LRP5: variants seen among roughly 807,000 people sequenced by gnomAD.
LRP5 encodes the protein LDL receptor related protein 5.
In LRP5, 62 loss-of-function variants were observed where a neutral mutation model predicts 154.1. That is an observed-to-expected ratio of 0.40 (90% CI 0.33 to 0.50). LRP5 has a LOEUF of 0.50. Among genes scored for constraint, LRP5 ranks in the 20% least tolerant of loss-of-function variants. The probability of loss-of-function intolerance (pLI) is 0.55; values close to 1 mark genes in which losing one functional copy is unlikely to be tolerated. For synonymous variants in LRP5, 966 were observed against 1,011.5 expected (o/e 0.96, Z 0.85); for missense variants, 1,915 against 2,336.7 (o/e 0.82, Z 3.72).
At chr11:68,299,959 G>A in the LRP5 span, among the ~76,000 whole-genome samples, 12 of 148,510 alleles carry the variant, frequency 8.1e-5, no homozygotes, top group Middle Eastern at 0.017. Context: ...GTGGAGTGGC[G>A]CGATCTTGGC....
chr11:68,446,070 G>A (rs2098681262), intron 21 of LRP5, among the ~76,000 whole-genome samples: 1 of 152,222 alleles, frequency 6.6e-6, no homozygotes, highest in South Asian at 2.1e-4. Context: ...AACTGGTGTG[G>A]AGGACACTCA....
intron 2 of LRP5, among the ~76,000 whole-genome samples, chr11:68,348,712 G>C (rs2098615811): frequency 6.6e-6 from 1 of 152,240 alleles, no homozygotes; most frequent in Non-Finnish European, 1.5e-5. Flanking sequence ...GGGAGGCCAA[G>C]GCGGGCAGAT....
rs538521652 is a variant in LRP5, at chr11:68,435,428, C to A, written c.4001-1461C>A. ...AGTGAGGTCTCAGGAAGCTTTGACT[C>A]ATGGTGAAAGTCGAAGCGGGAGCAG... On this transcript the variant is annotated intron_variant, in intron 18 of 22. Transcript: ENST00000294304. Among the ~76,000 whole-genome samples, 9 of 152,236 alleles carry A rather than the reference C, an allele frequency of 5.9e-5. No homozygotes were observed. In the South Asian group the frequency reaches 1.4e-3, roughly 25 times the overall value.
At position 68,312,705 on chromosome 11, in the gene LRP5, G is replaced by A; in HGVS notation, c.-10G>A. On this transcript the variant is annotated 5_prime_UTR_variant, in exon 1 of 23. Transcript: ENST00000294304. ...GAGCGCGGCGCGGGCCCGTCCGGCC[G>A]CCGGACAACATGGAGGCAGCGCCGC... 9.9e-7 allele frequency: 1 copy of A among 1,014,118 alleles called. No homozygotes were observed. The highest frequency in any genetic ancestry group is 1.2e-6 in the Non-Finnish European group (1 of 850,512). 62.8% of individuals were successfully genotyped at this position (1,014,118 alleles called of 1,614,324 possible).
Position 68,425,110 on chromosome 11 carries a change from A to G in LRP5, c.3245A>G (p.Tyr1082Cys), listed in dbSNP as rs113804402. 9.1e-5 allele frequency: 147 copies of G among 1,613,522 alleles called. No homozygotes were observed. The highest frequency in any genetic ancestry group is 1.2e-4 in the Non-Finnish European group (142 of 1,179,942). ...CCGCCACCCTCCCGCAGGTACCTGTACTTCACCAACATGCAGGACCGGGCA... is the reference window on the plus strand; with the variant it reads ...CCGCCACCCTCCCGCAGGTACCTGTGCTTCACCAACATGCAGGACCGGGCA... ...IVVNAERGYL[Y>C]FTNMQDRAAK... Residue 1082 changes from tyrosine to cysteine, a missense_variant, in exon 15 of 23, where the codon TAC becomes TGC. Around this residue, in one of 3 missense-constraint regions of LRP5, gnomAD observed 1,094 missense variants for 1,210.1 expected, o/e 0.90. Coordinates refer to ENST00000294304, the MANE Select transcript of LRP5 (RefSeq NM_002335.4).
chr11:68,368,320 G>A (rs1209617027), intron 5 of LRP5, among the ~76,000 whole-genome samples: 1 of 152,208 alleles, frequency 6.6e-6, no homozygotes, highest in African/African-American at 2.4e-5. Flanking sequence ...CTCCTGTACT[G>A]GGGGTGTGGC....
intron 1 of LRP5, among the ~76,000 whole-genome samples, chr11:68,314,792 G>A (rs1348488143): frequency 1.3e-5 from 2 of 152,268 alleles, no homozygotes; most frequent in Non-Finnish European, 2.9e-5. Flanking sequence ...GCTGAGTGGG[G>A]TTAACCAAGT....
the LRP5 span, among the ~76,000 whole-genome samples, chr11:68,303,628 G>A: frequency 1.3e-5 from 2 of 152,124 alleles, no homozygotes; most frequent in Admixed American, 6.6e-5. Flanking sequence ...CCAGTAGCTG[G>A]GACTACAGGT....
rs546769222 is a variant in LRP5 at position 68,417,876 on chromosome 11, G to A, written c.3027+1349G>A. 8.4e-4 allele frequency among the ~76,000 whole-genome samples: 128 copies of A among 151,698 alleles called. 1 individual carries two copies. Among genetic ancestry groups the A allele is most frequent in the African/African-American group, 2.9e-3 (118 of 41,356 alleles). ...CTTGAACCCAGGAGGCAGAGGTTGC[G>A]GTGAGCCGAGATCACACCATTGCAC... On this transcript the variant is annotated intron_variant, in intron 13 of 22. Coordinates refer to ENST00000294304, the MANE Select transcript of LRP5 (RefSeq NM_002335.4).
intron 7 of LRP5, among the ~76,000 whole-genome samples, chr11:68,396,946 C>T (rs1264294975): frequency 6.6e-6 from 1 of 152,206 alleles, no homozygotes; most frequent in Admixed American, 6.5e-5. Flanking sequence ...TCCCCACTTC[C>T]CTTCTGCTTC....
At position 68,411,361 on chromosome 11, in the gene LRP5, G is replaced by A. The variant is rs1000473643; in HGVS notation, c.2319-75G>A. The A allele has an allele frequency of 1.5e-5, 22 of 1,505,456 alleles. No individual in the cohort carries two copies. In the African/African-American group the frequency reaches 2.3e-4, roughly 16 times the overall value. The allele number at this position is 1,505,456 out of a possible 1,614,324, so 93.3% of individuals were successfully genotyped here. A position where few individuals can be genotyped will look rare whatever the true frequency, so the allele number is the denominator to read the frequency against. On this transcript the variant is annotated intron_variant, in intron 10 of 22. Coordinates refer to ENST00000294304, the MANE Select transcript of LRP5 (RefSeq NM_002335.4). Reference sequence around the variant, plus strand: ...CTGAGCTGAAGAGGTGGGGACAGTTGCGTCCCCCCGCCACCCACTGTCCTG... The same window carrying A: ...CTGAGCTGAAGAGGTGGGGACAGTTACGTCCCCCCGCCACCCACTGTCCTG...
rs774177044 is a variant in LRP5 at position 68,423,686 on chromosome 11, C to T, written c.3225C>T (p.Asn1075=). Residue 1075 remains asparagine, a synonymous_variant, in exon 14 of 23, where the codon AAC becomes AAT. Coordinates refer to ENST00000294304, the MANE Select transcript of LRP5 (RefSeq NM_002335.4). This position sits in a 1 kb window ranked among gnomAD's most constrained non-coding sequence, Gnocchi z 4.7. ...ACAAGCCCAGGGCCATCGTCGTCAA[C>T]GCGGAGCGAGGGTAGGAGGCCAACG... ...DRDKPRAIVV[N]AERGYLYFTN... 61 of 1,611,228 alleles carry T rather than the reference C, an allele frequency of 3.8e-5. No homozygotes were observed. The highest frequency in any genetic ancestry group is 1.9e-4 in the African/African-American group (14 of 74,900).
At chr11:68,380,430 G>A (rs890433573) in intron 5 of LRP5, among the ~76,000 whole-genome samples, 2 of 152,194 alleles carry the variant, frequency 1.3e-5, no homozygotes, top group South Asian at 2.1e-4. Context: ...CCGCAGCACC[G>A]AAAATATTTG....
In LRP5 at chr11:68,411,475, C is replaced by T. The variant is rs140616444; in HGVS notation, c.2358C>T (p.Ile786=). 139 of 1,613,192 alleles carry T rather than the reference C, an allele frequency of 8.6e-5. 1 individual carries two copies. The highest frequency in any genetic ancestry group is 4.4e-4 in the African/African-American group (33 of 75,044). Residue 786 remains isoleucine (I), a synonymous_variant, in exon 11 of 23, where the codon ATC becomes ATT. Coordinates refer to ENST00000294304, the MANE Select transcript of LRP5 (RefSeq NM_002335.4). The stretch of plus-strand genomic sequence containing the variant: ...CCGAGTGGGGCGGCAAGCCGAGGAT[C>T]GTGCGGGCCTTCATGGACGGGACCA... ...YWTEWGGKPR[I]VRAFMDGTNC...
rs148128016 is a variant in LRP5 at position 68,357,680 on chromosome 11, G to A, written c.519G>A (p.Thr173=). Residue 173 remains threonine (T), a synonymous_variant, in exon 3 of 23, where the codon ACG becomes ACA. Transcript: ENST00000294304. ...TGTACTGGACAGACTGGGGTGAGACGCCCCGGATTGAGCGGGCAGGGATGG... is the reference window on the plus strand; with the variant it reads ...TGTACTGGACAGACTGGGGTGAGACACCCCGGATTGAGCGGGCAGGGATGG... ...GYMYWTDWGE[T]PRIERAGMDG... is the part of the protein sequence containing the mutation. 84 of 1,614,068 alleles carry A rather than the reference G, an allele frequency of 5.2e-5. No homozygotes were observed. The African/African-American group carries it at 7.1e-4, about 14-fold the overall frequency.
chr11:68,384,069 TCA>T (rs1451113154), intron 5 of LRP5, among the ~76,000 whole-genome samples: 1 of 152,146 alleles, frequency 6.6e-6, no homozygotes, highest in East Asian at 1.9e-4. Context: ...CCTGCCTGCC[TCA>T]GTTTCCCCAG....
At chr11:68,358,042 C>T (rs535582499) in intron 3 of LRP5, among the ~76,000 whole-genome samples, 195 bp downstream of exon 3, 4 of 152,230 alleles carry the variant, frequency 2.6e-5, no homozygotes, top group African/African-American at 9.6e-5. Context: ...ATTTCTATAG[C>T]AAATGTGGCA....
At chr11:68,381,594 T>A (rs1363254776) in intron 5 of LRP5, among the ~76,000 whole-genome samples, 2 of 152,200 alleles carry the variant, frequency 1.3e-5, no homozygotes, top group African/African-American at 4.8e-5. Flanking sequence ...GCAGCCCGCC[T>A]GGAGGAGGCT....
intron 1 of LRP5, among the ~76,000 whole-genome samples, chr11:68,323,725 G>A (rs1246980617): frequency 6.6e-6 from 1 of 152,168 alleles, no homozygotes; most frequent in Non-Finnish European, 1.5e-5. Flanking sequence ...TGGCTACTTT[G>A]GTACTTTTGA....
Sources: allele counts gnomAD v4.1 joint callset (sites outside exome capture counted in the v4.1 genomes callset), GRCh38; gene constraint gnomAD v4.1.1; regional missense constraint gnomAD v4.1.1; non-coding constraint Gnocchi (gnomAD v3.1); transcripts MANE v1.5; gene names NCBI Gene and HGNC (gene_info 2026-07-23, HGNC 2026-07-21).